CAMTA1: variants seen among roughly 807,000 people sequenced by gnomAD.
The protein encoded by CAMTA1 is calmodulin-binding transcription activator 1.
Under a neutral mutation model 170.9 loss-of-function variants are expected in CAMTA1, and 27 were observed. That is an observed-to-expected ratio of 0.16 (90% CI 0.12 to 0.22). The LOEUF is 0.22. Among genes scored for constraint, CAMTA1 ranks in the 10% least tolerant of loss-of-function variants. The probability of loss-of-function intolerance (pLI) is 1.00; values close to 1 mark genes in which losing one functional copy is unlikely to be tolerated. For missense variants in CAMTA1, 1,619 were observed against 2,217.2 expected (o/e 0.73, Z 5.42); for synonymous variants, 833 against 891.5 (o/e 0.93, Z 1.17).
At chr1:7,399,803 C>T (rs1454573103) in intron 5 of CAMTA1, among the ~76,000 whole-genome samples, 1 of 152,194 alleles carries the variant, frequency 6.6e-6, no homozygotes, top group Non-Finnish European at 1.5e-5. Flanking sequence ...TTATCCCATT[C>T]TCTCCTGGTC....
intron 3 of CAMTA1, among the ~76,000 whole-genome samples, chr1:7,024,028 C>CAAAAAAAAAAAAA (rs35095557): frequency 1.0e-5 from 1 of 96,134 alleles, no homozygotes; most frequent in African/African-American, 4.1e-5. Context: ...GACTCTGTCT[C>CAAAAAAAAAAAAA]AAAAAAAAAA....
intron 6 of CAMTA1, among the ~76,000 whole-genome samples, chr1:7,573,718 T>G (rs998265731): frequency 3.3e-5 from 5 of 152,176 alleles, no homozygotes; most frequent in Admixed American, 6.5e-5. Flanking sequence ...CTCCAGCTAT[T>G]GCATCTAGGA....
At chr1:6,989,064 A>C in intron 3 of CAMTA1, among the ~76,000 whole-genome samples, 1 of 152,146 alleles carries the variant, frequency 6.6e-6, no homozygotes. Context: ...GGGGCAGGGG[A>C]CATGACAGGG....
rs1336977888 is a variant in CAMTA1, at chr1:7,270,291, A to ATATATTTTTT, written c.438+20666_438+20667insATATTTTTTT. 3.6e-5 allele frequency among the ~76,000 whole-genome samples: 4 copies of ATATATTTTTT among 110,568 alleles called. 1 individual carries two copies. Among genetic ancestry groups the ATATATTTTTT allele is most frequent in the African/African-American group, 1.3e-4 (4 of 29,636 alleles). 72.5% of individuals were successfully genotyped at this position (110,568 alleles called of 152,430 possible). A position where few individuals can be genotyped will look rare whatever the true frequency, so the allele number is the denominator to read the frequency against. On this transcript the variant is annotated intron_variant, in intron 5 of 22. Coordinates refer to ENST00000303635, the MANE Select transcript of CAMTA1 (RefSeq NM_015215.4). ...CACACACACATATATATATATATAT[A>ATATATTTTTT]TTTTTTTTTTTTTTTCTTGTGAGAT... is the stretch of plus-strand genomic sequence containing the variant.
In CAMTA1 at chr1:7,665,222, A is replaced by C; in HGVS notation, c.2652+23A>C. The C allele has an allele frequency of 2.8e-6, 4 of 1,423,654 alleles. No homozygotes were observed. Among genetic ancestry groups the C allele is most frequent in the Non-Finnish European group, 2.7e-6 (3 of 1,092,844 alleles). The allele number at this position is 1,423,654 out of a possible 1,614,324, so 88.2% of individuals were successfully genotyped here. A position where few individuals can be genotyped will look rare whatever the true frequency, so the allele number is the denominator to read the frequency against. On this transcript the variant is annotated intron_variant, in intron 9 of 22. Coordinates refer to ENST00000303635, the MANE Select transcript of CAMTA1 (RefSeq NM_015215.4). The surrounding 1 kb of genome is among the most constrained non-coding windows in gnomAD (Gnocchi z 4.3). ...GAGGTAAGCTGCCGCCGCTGCCACC[A>C]CCTGTCACCTCCCCTCCCACCCACC... is the stretch of plus-strand genomic sequence containing the variant.
chr1:7,082,495 C>A (rs995949028), intron 3 of CAMTA1, among the ~76,000 whole-genome samples: 1 of 113,448 alleles, frequency 8.8e-6, no homozygotes, highest in Non-Finnish European at 1.9e-5. Flanking sequence ...ATAGATAGCA[C>A]AGCTCTTTGT....
intron 5 of CAMTA1, among the ~76,000 whole-genome samples, chr1:7,395,083 A>G (rs1290118945): frequency 1.3e-5 from 2 of 152,048 alleles, no homozygotes; most frequent in African/African-American, 2.4e-5. Context: ...GGGTTTCACC[A>G]TGTTGTCCAG....
At chr1:7,141,300 T>A (rs1414007093) in intron 4 of CAMTA1, among the ~76,000 whole-genome samples, 7 of 152,240 alleles carry the variant, frequency 4.6e-5, no homozygotes, top group Non-Finnish European at 1.0e-4. Context: ...CAGTGGCATG[T>A]CAGGGTCCTG....
intron 3 of CAMTA1, among the ~76,000 whole-genome samples, chr1:7,057,488 A>G (rs1203543154): frequency 6.6e-6 from 1 of 152,188 alleles, no homozygotes; most frequent in East Asian, 1.9e-4. Flanking sequence ...TTCAAGTCAC[A>G]GTCTGTTGCG....
chr1:7,750,708 GTA>G (rs1355386855), intron 19 of CAMTA1, among the ~76,000 whole-genome samples: 3 of 152,152 alleles, frequency 2.0e-5, no homozygotes, highest in Non-Finnish European at 4.4e-5. Context: ...GATAAGCCTT[GTA>G]TTTGGGACCT....
chr1:7,060,908 G>GT (rs1708108216), intron 3 of CAMTA1, among the ~76,000 whole-genome samples: 2 of 152,184 alleles, frequency 1.3e-5, no homozygotes, highest in East Asian at 1.9e-4. Context: ...ATTTCCCTTT[G>GT]TTTTTTTGGA....
chr1:7,022,438 C>T (rs1404700240), intron 3 of CAMTA1, among the ~76,000 whole-genome samples: 2 of 152,232 alleles, frequency 1.3e-5, no homozygotes, highest in South Asian at 4.1e-4. Flanking sequence ...GAGGTTTCCT[C>T]TTGGATTGGC....
rs935538073 is a variant in CAMTA1 at position 7,640,620 on chromosome 1, C to A, written c.664+67C>A. ...CAGGCTGGCATCAACCAGGCGGGGC[C>A]AGGAAGGTCCTCTGTGGCCTTGGGG... On this transcript the variant is annotated intron_variant, in intron 7 of 22. Transcript: ENST00000303635. 3.8e-6 allele frequency: 6 copies of A among 1,586,702 alleles called. No individual in the cohort carries two copies. In the African/African-American group the frequency reaches 6.7e-5, roughly 18 times the overall value.
chr1:7,139,049 ATATT>A (rs1412510999), intron 4 of CAMTA1, among the ~76,000 whole-genome samples: 2 of 143,578 alleles, frequency 1.4e-5, no homozygotes, highest in Admixed American at 7.1e-5. Flanking sequence ...TTATAAATAT[ATATT>A]TATATTTATT....
intron 3 of CAMTA1, among the ~76,000 whole-genome samples, chr1:6,972,775 T>C (rs1461076001): frequency 1.3e-5 from 2 of 152,222 alleles, no homozygotes; most frequent in African/African-American, 2.4e-5. Flanking sequence ...CTTTTACTAT[T>C]ATTATTGTTT....
chr1:7,750,952 A>C (rs1245847490), intron 19 of CAMTA1: 2 of 645,712 alleles, frequency 3.1e-6, no homozygotes, highest in South Asian at 1.5e-5. Flanking sequence ...CAAGAAGGGC[A>C]AGATATTTTG....
intron 4 of CAMTA1, among the ~76,000 whole-genome samples, chr1:7,245,595 G>A (rs537006944): frequency 8.5e-5 from 13 of 152,118 alleles, no homozygotes; most frequent in Admixed American, 7.9e-4. Context: ...GAGCGCTATT[G>A]GTTTTGCTCG....
rs1355733156 is a variant in CAMTA1, at chr1:7,682,511, G to A, written c.2914+4778G>A. Among the ~76,000 whole-genome samples, 3 of 152,218 alleles carry A rather than the reference G, an allele frequency of 2.0e-5. No homozygotes were observed. Among genetic ancestry groups the A allele is most frequent in the African/African-American group, 7.2e-5 (3 of 41,454 alleles). ...CAGCCCCTAGCTCTGCCCCCACTTCGGAGCTGCCACCTTAGGTGTGAGAGG... is the reference window on the plus strand; with the variant it reads ...CAGCCCCTAGCTCTGCCCCCACTTCAGAGCTGCCACCTTAGGTGTGAGAGG... On this transcript the variant is annotated intron_variant, in intron 11 of 22. Coordinates refer to ENST00000303635, the MANE Select transcript of CAMTA1 (RefSeq NM_015215.4). The surrounding 1 kb of genome is among the most constrained non-coding windows in gnomAD (Gnocchi z 5.0).
At chr1:7,029,091 T>C (rs549755482) in intron 3 of CAMTA1, among the ~76,000 whole-genome samples, 1 of 152,312 alleles carries the variant, frequency 6.6e-6, no homozygotes, top group South Asian at 2.1e-4. Flanking sequence ...TCATGTTTAT[T>C]CTTTAGGGTT....
Sources: allele counts gnomAD v4.1 joint callset (sites outside exome capture counted in the v4.1 genomes callset), GRCh38; gene constraint gnomAD v4.1.1; non-coding constraint Gnocchi (gnomAD v3.1); transcripts MANE v1.5; gene names NCBI Gene and HGNC (gene_info 2026-07-23, HGNC 2026-07-21).